The following DHX15 variants were observed in gnomAD, a reference collection of about 807,000 sequenced individuals.
DHX15 encodes the protein ATP-dependent RNA helicase DHX15.
Under a neutral mutation model 94.4 loss-of-function variants are expected in DHX15, and 11 were observed. The observed-to-expected ratio is 0.12, with a 90% confidence interval of 0.07 to 0.19. The LOEUF is 0.19. Ranked by LOEUF, DHX15 falls within the 10% of genes least tolerant of loss-of-function variation. DHX15 has a pLI of 1.00. For missense variants in DHX15, 304 were observed against 988.5 expected, an observed-to-expected ratio of 0.31 and a Z score of 9.29; for synonymous variants, 338 against 329.9, an observed-to-expected ratio of 1.02 and a Z score of -0.27.
In DHX15 at chr4:24,537,304, T is replaced by C. The variant is rs1721216939; in HGVS notation, c.1787-131A>G. ...CAGGGCAGGATGGCCTCCAACTGCA[T>C]CTTGGATTGTTTACTACCTTGATTT... On this transcript the variant is annotated intron_variant, in intron 10 of 13. Transcript: ENST00000336812. The surrounding 1 kb of genome is among the most constrained non-coding windows in gnomAD (Gnocchi z 4.7). 9.1e-6 allele frequency: 11 copies of C among 1,208,872 alleles called. No homozygotes were observed. Among genetic ancestry groups the C allele is most frequent in the Non-Finnish European group, 1.1e-5 (10 of 880,486 alleles). The allele number at this position is 1,208,872 out of a possible 1,614,324, so 74.9% of individuals were successfully genotyped here.
chr4:24,566,560 T>C (rs949006212), intron 3 of DHX15, among the ~76,000 whole-genome samples: 1 of 152,012 alleles, frequency 6.6e-6, no homozygotes, highest in African/African-American at 2.4e-5. Context: ...GAGCAGTGGC[T>C]CACGCCTGTA....
chr4:24,567,033 T>C (rs1485760379), intron 3 of DHX15, among the ~76,000 whole-genome samples: 2 of 152,198 alleles, frequency 1.3e-5, no homozygotes, highest in African/African-American at 4.8e-5. Context: ...GGTACTTAAC[T>C]ATTAGCTGAC....
intron 5 of DHX15, among the ~76,000 whole-genome samples, chr4:24,549,468 T>C (rs907102523): frequency 4.6e-5 from 7 of 152,212 alleles, no homozygotes; most frequent in African/African-American, 1.7e-4. Flanking sequence ...TTTGCTTCAT[T>C]GTGCCTAATG....
intron 3 of DHX15, among the ~76,000 whole-genome samples, chr4:24,566,594 G>T (rs533228151): frequency 2.6e-5 from 4 of 152,154 alleles, no homozygotes; most frequent in Admixed American, 6.5e-5. Flanking sequence ...GGGAGGCTGA[G>T]GTGGGTGGAT....
intron 3 of DHX15, among the ~76,000 whole-genome samples, chr4:24,569,057 T>C (rs1722059489): frequency 6.6e-6 from 1 of 152,142 alleles, no homozygotes; most frequent in Non-Finnish European, 1.5e-5. Flanking sequence ...TAGAAAAAAC[T>C]GACACAAATG....
At position 24,547,881 on chromosome 4, in the gene DHX15, C is replaced by A. The variant is rs201237797; in HGVS notation, c.1248+974G>T. Among the ~76,000 whole-genome samples, 27 of 29,698 alleles carry A rather than the reference C, an allele frequency of 9.1e-4. 1 individual carries two copies. The highest frequency in any genetic ancestry group is 1.7e-3 in the African/African-American group (13 of 7,772). 19.5% of individuals were successfully genotyped at this position (29,698 alleles called of 152,430 possible). On this transcript the variant is annotated intron_variant, in intron 6 of 13. Coordinates refer to ENST00000336812, the MANE Select transcript of DHX15 (RefSeq NM_001358.3). ...TATATGTCTCTCTCTCTCTCTCTCT[C>A]TCTCTCTCTATGTATGTATGTGTAT...
chr4:24,543,924 C>CA (rs1462187274), intron 6 of DHX15, among the ~76,000 whole-genome samples: 3 of 152,196 alleles, frequency 2.0e-5, no homozygotes, highest in Non-Finnish European at 4.4e-5. Flanking sequence ...TCTGCTTTTA[C>CA]CATTTGTAAG....
At position 24,541,858 on chromosome 4, in the gene DHX15, G is replaced by A. The variant is rs369624906; in HGVS notation, c.1485+15C>T. 5.4e-5 allele frequency: 83 copies of A among 1,544,564 alleles called. No individual in the cohort carries two copies. The African/African-American group carries it at 6.3e-4, about 12-fold the overall frequency. On this transcript the variant is annotated intron_variant, in intron 8 of 13. Coordinates refer to ENST00000336812, the MANE Select transcript of DHX15 (RefSeq NM_001358.3). ...CATTTTAAACATATCGGCAGGAAAC[G>A]ACAATACCCCATACCTGCATTTCTG... is the stretch of plus-strand genomic sequence containing the variant.
intron 3 of DHX15, among the ~76,000 whole-genome samples, chr4:24,560,040 A>T (rs989310891): frequency 6.6e-6 from 1 of 152,162 alleles, no homozygotes; most frequent in Non-Finnish European, 1.5e-5. Context: ...GAACAGTATC[A>T]ACCTAGCTTA....
chr4:24,572,396 A>C (rs1212551625), intron 2 of DHX15, among the ~76,000 whole-genome samples: 2 of 152,328 alleles, frequency 1.3e-5, no homozygotes, highest in African/African-American at 4.8e-5. Flanking sequence ...TCAGCCTTCC[A>C]AAGTGCTGGG....
chr4:24,579,362 C>T (rs1722352486), intron 1 of DHX15, among the ~76,000 whole-genome samples: 1 of 152,184 alleles, frequency 6.6e-6, no homozygotes, highest in African/African-American at 2.4e-5. Flanking sequence ...ATCAAACCCT[C>T]CACTTCATAA....
At chr4:24,556,470 C>T (rs566594548) in intron 3 of DHX15, 60 bp from the exon 4 acceptor site, 12 of 1,383,920 alleles carry the variant, frequency 8.7e-6, no homozygotes, top group South Asian at 1.6e-5. Flanking sequence ...AACCAAACTT[C>T]GTGACAAAAA....
At position 24,547,927 on chromosome 4, in the gene DHX15, A is replaced by ATCTATATC. The variant is rs1560765859; in HGVS notation, c.1248+927_1248+928insGATATAGA. 3.3e-3 allele frequency among the ~76,000 whole-genome samples: 342 copies of ATCTATATC among 102,952 alleles called. 5 individuals carry two copies. The highest frequency in any genetic ancestry group is 5.4e-3 in the South Asian group (20 of 3,698). 67.5% of individuals were successfully genotyped at this position (102,952 alleles called of 152,430 possible). A position where few individuals can be genotyped will look rare whatever the true frequency, so the allele number is the denominator to read the frequency against. ...TGTATATATATATATATATATATAT[A>ATCTATATC]TATATATATATATATCTATATCTAT... On this transcript the variant is annotated intron_variant, in intron 6 of 13. Transcript: ENST00000336812.
intron 5 of DHX15, among the ~76,000 whole-genome samples, chr4:24,549,285 CTAAT>C (rs1721533156): frequency 6.6e-6 from 1 of 152,128 alleles, no homozygotes; most frequent in Non-Finnish European, 1.5e-5. Context: ...GTCAGATTTC[CTAAT>C]TAATTCTCAA....
intron 7 of DHX15, 26 bp from the exon 8 acceptor site, chr4:24,542,048 G>C (rs1721323207): frequency 6.4e-7 from 1 of 1,553,718 alleles, no homozygotes. Flanking sequence ...TAACACAAGA[G>C]TCTTTCTTCA....
At chr4:24,529,426 T>C (rs1208896300) in intron 13 of DHX15, among the ~76,000 whole-genome samples, 175 bp downstream of exon 13, 2 of 152,162 alleles carry the variant, frequency 1.3e-5, no homozygotes, top group East Asian at 1.9e-4. Context: ...CACTGTCCAC[T>C]TAACAAAGGA....
chr4:24,556,017 A>C (rs1272309373), intron 4 of DHX15, among the ~76,000 whole-genome samples: 4 of 152,174 alleles, frequency 2.6e-5, no homozygotes, highest in African/African-American at 9.6e-5. Flanking sequence ...ATTATAAAAG[A>C]ACTAGGTGGG....
intron 2 of DHX15, among the ~76,000 whole-genome samples, chr4:24,573,326 TG>T (rs748146882): frequency 1.3e-5 from 2 of 152,228 alleles, no homozygotes; most frequent in Non-Finnish European, 2.9e-5. Context: ...TAATATCCTG[TG>T]AAGTCTTATA....
At chr4:24,540,783 A>C (rs1721293119) in intron 9 of DHX15, 57 bp downstream of exon 9, 2 of 975,400 alleles carry the variant, frequency 2.1e-6, no homozygotes, top group Admixed American at 2.2e-5. Context: ...GGAGAAAAAC[A>C]CTAAGAGTCA....
Sources: allele counts gnomAD v4.1 joint callset (sites outside exome capture counted in the v4.1 genomes callset), GRCh38; gene constraint gnomAD v4.1.1; non-coding constraint Gnocchi (gnomAD v3.1); transcripts MANE v1.5; gene names NCBI Gene and HGNC (gene_info 2026-07-23, HGNC 2026-07-21).